The following ANTXR1 variants were observed in gnomAD, a reference collection of about 807,000 sequenced individuals.
ANTXR1 encodes the protein ANTXR cell adhesion molecule 1, also known as anthrax toxin receptor 1.
In ANTXR1, 19 loss-of-function variants were observed where a neutral mutation model predicts 78.1. That is an observed-to-expected ratio of 0.24 (90% CI 0.17 to 0.36). ANTXR1 has a LOEUF of 0.36. Among genes scored for constraint, ANTXR1 ranks in the 10% least tolerant of loss-of-function variants. The pLI, the probability that ANTXR1 is intolerant of heterozygous loss-of-function variation, is 1.00. For missense variants in ANTXR1, 518 were observed against 718.6 expected (o/e 0.72, Z 3.19); for synonymous variants, 273 against 260.5 (o/e 1.05, Z -0.46).
intron 17 of ANTXR1, among the ~76,000 whole-genome samples, chr2:69,215,540 ACTACATCCCAG>A (rs1307981802): frequency 6.6e-6 from 1 of 152,224 alleles, no homozygotes; most frequent in Non-Finnish European, 1.5e-5. Context: ...TTTATTCACT[ACTACATCCCAG>A]CTATGATAGG....
intron 8 of ANTXR1, among the ~76,000 whole-genome samples, chr2:69,089,010 C>A (rs1480875038): frequency 2.0e-5 from 3 of 152,126 alleles, no homozygotes; most frequent in African/African-American, 7.2e-5. Flanking sequence ...TGAGGCTGCA[C>A]CTGTGTCTGG....
chr2:69,077,102 T>C (rs1328091572), intron 7 of ANTXR1: 2 of 425,196 alleles, frequency 4.7e-6, no homozygotes, highest in Non-Finnish European at 8.6e-6. Context: ...TGTGCCCAAA[T>C]TTATAAACAT....
chr2:69,077,580 G>C, intron 8 of ANTXR1, 92 bp downstream of exon 8: 1 of 1,340,788 alleles, frequency 7.5e-7, no homozygotes, highest in African/African-American at 1.4e-5. Context: ...TCAAAGCCTG[G>C]TGTTTTTCTG....
intron 8 of ANTXR1, among the ~76,000 whole-genome samples, chr2:69,077,812 A>G (rs781300944): frequency 5.9e-5 from 9 of 152,178 alleles, no homozygotes; most frequent in Non-Finnish European, 1.0e-4. Flanking sequence ...CAGCTTTCCC[A>G]TTGTGACTGA....
At chr2:69,076,443 G>T (rs1670733707) in intron 7 of ANTXR1, among the ~76,000 whole-genome samples, 1 of 152,186 alleles carries the variant, frequency 6.6e-6, no homozygotes, top group Non-Finnish European at 1.5e-5. Context: ...AAGCTTACTA[G>T]CAATCTAAAT....
At chr2:69,109,605 G>C (rs149899903) in intron 10 of ANTXR1, among the ~76,000 whole-genome samples, 1 of 147,348 alleles carries the variant, frequency 6.8e-6, no homozygotes. Context: ...GGAAAGAGTG[G>C]GTTATTCAAA....
intron 2 of ANTXR1, among the ~76,000 whole-genome samples, chr2:69,044,165 A>G: frequency 6.6e-6 from 1 of 152,162 alleles, no homozygotes; most frequent in East Asian, 1.9e-4. Flanking sequence ...GAGAAGTATG[A>G]CTACCAAGTG....
intron 16 of ANTXR1, among the ~76,000 whole-genome samples, chr2:69,191,342 C>A: frequency 6.6e-6 from 1 of 152,102 alleles, no homozygotes; most frequent in Non-Finnish European, 1.5e-5. Context: ...TATAATCCAC[C>A]AGAAAATCAT....
rs573043996 is a variant in ANTXR1, at chr2:69,183,310, C to T, written c.1353+650C>T. Among the ~76,000 whole-genome samples the T allele has an allele frequency of 5.9e-5, 9 of 152,298 alleles. No individual in the cohort carries two copies. In the South Asian group the frequency reaches 1.9e-3, roughly 32 times the overall value. ...TTTTTCTCCACCATCTGTCTTTCCC[C>T]CACACCTCCAGATCTTAAAATCCTC... On this transcript the variant is annotated intron_variant, in intron 16 of 17. Coordinates refer to ENST00000303714, the MANE Select transcript of ANTXR1 (RefSeq NM_032208.3).
chr2:69,049,529 C>A (rs982842303), intron 3 of ANTXR1, among the ~76,000 whole-genome samples: 14 of 152,058 alleles, frequency 9.2e-5, no homozygotes, highest in African/African-American at 3.4e-4. Context: ...AGGCTGGTCT[C>A]TAACTCCTGA....
At chr2:69,170,406 G>C in intron 14 of ANTXR1, 117 bp downstream of exon 14, 1 of 1,204,528 alleles carries the variant, frequency 8.3e-7, no homozygotes, top group Non-Finnish European at 1.2e-6. Context: ...AAGCTCAAAG[G>C]ATTTAATGTA....
intron 8 of ANTXR1, 146 bp from the exon 9 acceptor site, chr2:69,090,713 C>A: frequency 2.8e-6 from 2 of 718,748 alleles, no homozygotes; most frequent in South Asian, 1.5e-5. Context: ...TGGTACTAGT[C>A]AAGATGTTAG....
intron 17 of ANTXR1, among the ~76,000 whole-genome samples, chr2:69,211,595 C>CT (rs1675045720): frequency 6.6e-6 from 1 of 152,218 alleles, no homozygotes; most frequent in South Asian, 2.1e-4. Flanking sequence ...TTAAAGAGGG[C>CT]TTTTTCTCTG....
At chr2:69,199,229 A>C (rs1192133139) in intron 17 of ANTXR1, among the ~76,000 whole-genome samples, 1 of 152,228 alleles carries the variant, frequency 6.6e-6, no homozygotes, top group Non-Finnish European at 1.5e-5. Flanking sequence ...TTTCTGATTC[A>C]GAAGTTCTGG....
intron 13 of ANTXR1, among the ~76,000 whole-genome samples, chr2:69,167,223 C>T (rs1673851526): frequency 6.6e-6 from 1 of 152,200 alleles, no homozygotes; most frequent in Non-Finnish European, 1.5e-5. Flanking sequence ...GGGCAGTTTG[C>T]ATTATATCCT....
chr2:69,193,242 T>C, intron 16 of ANTXR1, 93 bp from the exon 17 acceptor site: 1 of 999,882 alleles, frequency 1.0e-6, no homozygotes, highest in Non-Finnish European at 1.6e-6. Context: ...GTTGTTCACA[T>C]GACTGAAGAA....
intron 8 of ANTXR1, among the ~76,000 whole-genome samples, chr2:69,086,213 G>A (rs2104266943): frequency 6.6e-6 from 1 of 152,342 alleles, no homozygotes; most frequent in South Asian, 2.1e-4. Context: ...CTATGATAAG[G>A]GAGGGATTCC....
intron 17 of ANTXR1, among the ~76,000 whole-genome samples, chr2:69,244,796 T>C (rs574331689): frequency 9.2e-5 from 14 of 152,336 alleles, no homozygotes; most frequent in Non-Finnish European, 1.6e-4. Context: ...GAGTCTATTT[T>C]GGGTTAGAAT....
chr2:69,079,952 A>C (rs144961892), intron 8 of ANTXR1, among the ~76,000 whole-genome samples: 2 of 152,236 alleles, frequency 1.3e-5, no homozygotes, highest in Non-Finnish European at 2.9e-5. Context: ...CATGAGCCCA[A>C]ATGTTTGTAA....
Sources: allele counts gnomAD v4.1 joint callset (sites outside exome capture counted in the v4.1 genomes callset), GRCh38; gene constraint gnomAD v4.1.1; transcripts MANE v1.5; gene names NCBI Gene and HGNC (gene_info 2026-07-23, HGNC 2026-07-21).